The following NTNG2 variants were observed in gnomAD, a reference collection of about 807,000 sequenced individuals.
The protein encoded by NTNG2 is netrin-G2.
A neutral mutation model predicts 47.6 loss-of-function variants in NTNG2; 15 were observed. The ratio of observed to expected loss-of-function variants is 0.32; its 90% CI spans 0.21 to 0.49. The LOEUF is 0.49. Ranked by LOEUF, NTNG2 falls within the 20% of genes least tolerant of loss-of-function variation. The pLI, the probability that NTNG2 is intolerant of heterozygous loss-of-function variation, is 0.99. For missense variants in NTNG2, 578 were observed against 764.6 expected, an observed-to-expected ratio of 0.76 and a Z score of 2.88; for synonymous variants, 307 against 324.6, an observed-to-expected ratio of 0.95 and a Z score of 0.58.
rs547114242 is a variant in NTNG2, at chr9:132,211,752, G to A, written c.857+13143G>A. On this transcript the variant is annotated intron_variant, in intron 3 of 7. Coordinates refer to ENST00000393229, the MANE Select transcript of NTNG2 (RefSeq NM_032536.4). The stretch of plus-strand genomic sequence containing the variant: ...CCCTTCTCCAGCCTTGGCGGCTTGT[G>A]ACAATTCCACAGCCTTGCCATAGCT... Among the ~76,000 whole-genome samples the A allele has an allele frequency of 6.6e-5, 10 of 152,182 alleles. No homozygotes were observed. In the South Asian group the frequency reaches 1.9e-3, roughly 28 times the overall value.
At chr9:132,184,996 A>C (rs560409394) in intron 2 of NTNG2, among the ~76,000 whole-genome samples, 1 of 152,158 alleles carries the variant, frequency 6.6e-6, no homozygotes, top group Non-Finnish European at 1.5e-5. Context: ...GTTTGGACTT[A>C]AGAAGGGGAA....
At chr9:132,216,106 C>T (rs1839948042) in intron 3 of NTNG2, among the ~76,000 whole-genome samples, 1 of 152,058 alleles carries the variant, frequency 6.6e-6, no homozygotes, top group African/African-American at 2.4e-5. Flanking sequence ...GGTTTGAACC[C>T]GACTGTCTGG....
intron 3 of NTNG2, among the ~76,000 whole-genome samples, chr9:132,210,725 A>G (rs1354116157): frequency 6.6e-6 from 1 of 152,178 alleles, no homozygotes; most frequent in African/African-American, 2.4e-5. Flanking sequence ...TGGGGAGAGG[A>G]CAGGCCACAT....
At chr9:132,238,936 T>C (rs1841814199) in intron 5 of NTNG2, 168 bp from the exon 6 acceptor site, 1 of 706,100 alleles carries the variant, frequency 1.4e-6, no homozygotes, top group Non-Finnish European at 2.5e-6. Context: ...GCCTCTCTCT[T>C]CCTGAATCCG....
chr9:132,237,507 A>G (rs1382234209), intron 5 of NTNG2, among the ~76,000 whole-genome samples: 1 of 152,206 alleles, frequency 6.6e-6, no homozygotes, highest in Non-Finnish European at 1.5e-5. Flanking sequence ...AGTGATGCCT[A>G]TTGAAGAATT....
At chr9:132,225,117 A>G (rs1050043833) in intron 3 of NTNG2, among the ~76,000 whole-genome samples, 15 of 152,182 alleles carry the variant, frequency 9.9e-5, no homozygotes, top group African/African-American at 3.6e-4. Context: ...GGGTTTCACC[A>G]TGTCGGACAG....
intron 3 of NTNG2, among the ~76,000 whole-genome samples, chr9:132,206,855 C>G (rs144337794): frequency 6.6e-6 from 1 of 152,326 alleles, no homozygotes; most frequent in East Asian, 1.9e-4. Context: ...TGAGAAGTGC[C>G]GGTGTTGGGA....
Position 132,241,477 on chromosome 9 carries a change from A to G in NTNG2, c.1358-399A>G, listed in dbSNP as rs1015983887. The G allele has an allele frequency of 1.5e-5, 5 of 326,238 alleles. No individual in the cohort carries two copies. In the South Asian group the frequency reaches 1.5e-4, roughly 10 times the overall value. 20.2% of individuals were successfully genotyped at this position (326,238 alleles called of 1,614,324 possible). On this transcript the variant is annotated intron_variant, in intron 7 of 7. Transcript: ENST00000393229. The stretch of plus-strand genomic sequence containing the variant: ...GGTGGTGCCTGGTGGGAACTACGAG[A>G]AAGACCGAGCTGGGGTTGGTTGGAA...
At chr9:132,189,929 G>A (rs1159379795) in intron 2 of NTNG2, among the ~76,000 whole-genome samples, 1 of 149,330 alleles carries the variant, frequency 6.7e-6, no homozygotes, top group African/African-American at 2.4e-5. Context: ...GATTACAGGC[G>A]TGAGCAACTG....
chr9:132,178,228 G>T (rs1836632180), intron 2 of NTNG2, among the ~76,000 whole-genome samples: 1 of 151,808 alleles, frequency 6.6e-6, no homozygotes, highest in Admixed American at 6.6e-5. Context: ...CCTCTTTCAG[G>T]CTGGGATGTG....
Position 132,182,287 on chromosome 9 carries a change from G to A in NTNG2, c.213+15243G>A, listed in dbSNP as rs1169999803. ...TGCACCCAACAATGGACAATAATGG[G>A]CCTAAAAATAGAGGGTGGAGGGTGC... On this transcript the variant is annotated intron_variant, in intron 2 of 7. Transcript: ENST00000393229. This position sits in a 1 kb window ranked among gnomAD's most constrained non-coding sequence, Gnocchi z 4.2. Among the ~76,000 whole-genome samples the A allele has an allele frequency of 6.6e-6, 1 of 152,204 alleles. No individual in the cohort carries two copies. The highest frequency in any genetic ancestry group is 2.4e-5 in the African/African-American group (1 of 41,446).
Position 132,197,816 on chromosome 9 carries a change from C to A in NTNG2, c.214-150C>A. On this transcript the variant is annotated intron_variant, in intron 2 of 7. Coordinates refer to ENST00000393229, the MANE Select transcript of NTNG2 (RefSeq NM_032536.4). The surrounding 1 kb of genome is among the most constrained non-coding windows in gnomAD (Gnocchi z 4.3). ...ACGCATTGAGGAAATGGGCACAAATCTCCCAGCTGTGTCTGGGCACCGGAG... is the reference window on the plus strand; with the variant it reads ...ACGCATTGAGGAAATGGGCACAAATATCCCAGCTGTGTCTGGGCACCGGAG... The A allele has an allele frequency of 1.4e-6, 1 of 710,788 alleles. No individual in the cohort carries two copies. Among genetic ancestry groups the A allele is most frequent in the Non-Finnish European group, 2.3e-6 (1 of 436,918 alleles). The allele number at this position is 710,788 out of a possible 1,614,324, so 44.0% of individuals were successfully genotyped here.
At chr9:132,217,696 C>T (rs980403080) in intron 3 of NTNG2, among the ~76,000 whole-genome samples, 6 of 152,216 alleles carry the variant, frequency 3.9e-5, no homozygotes, top group South Asian at 2.1e-4. Context: ...CTTTATAGAC[C>T]GTCTCCCACT....
chr9:132,198,499 C>A lies in NTNG2; in HGVS notation c.747C>A (p.Leu249=). The change falls in exon 3 of 8, where the codon CTC becomes CTA. Residue 249 remains leucine, a synonymous_variant. Coordinates refer to ENST00000393229, the MANE Select transcript of NTNG2 (RefSeq NM_032536.4). ...AGGGCCTCAAGGAGTTCTTCACCCTCACCGACCTGCGCATGCGGCTGCTGC... is the reference window on the plus strand; with the variant it reads ...AGGGCCTCAAGGAGTTCTTCACCCTAACCGACCTGCGCATGCGGCTGCTGC... ...SAKGLKEFFT[L]TDLRMRLLRP... 6.2e-7 allele frequency: 1 copy of A among 1,610,174 alleles called. No individual in the cohort carries two copies. Among genetic ancestry groups the A allele is most frequent in the Non-Finnish European group, 8.5e-7 (1 of 1,177,794 alleles).
intron 2 of NTNG2, among the ~76,000 whole-genome samples, chr9:132,191,740 T>G (rs1262407989): frequency 6.6e-6 from 1 of 151,986 alleles, no homozygotes; most frequent in African/African-American, 2.4e-5. Context: ...CCCGGCTAAT[T>G]TTTTGTATTT....
At position 132,174,460 on chromosome 9, in the gene NTNG2, G is replaced by A. The variant is rs963485102; in HGVS notation, c.213+7416G>A. Among the ~76,000 whole-genome samples the A allele has an allele frequency of 6.6e-5, 10 of 152,298 alleles. 1 individual carries two copies. Among genetic ancestry groups the A allele is most frequent in the African/African-American group, 1.4e-4 (6 of 41,560 alleles). On this transcript the variant is annotated intron_variant, in intron 2 of 7. Transcript: ENST00000393229. Reference sequence around the variant, plus strand: ...AGGAGATGGGGCCCGGGGGCATCCCGCACTTCTGGGATGTGGGACTTGGGA... The same window carrying A: ...AGGAGATGGGGCCCGGGGGCATCCCACACTTCTGGGATGTGGGACTTGGGA...
chr9:132,190,575 C>T (rs1458596052), intron 2 of NTNG2, among the ~76,000 whole-genome samples: 3 of 152,226 alleles, frequency 2.0e-5, no homozygotes, highest in South Asian at 2.1e-4. Flanking sequence ...GGGCTTCCCA[C>T]AGGCACATTT....
At chr9:132,196,160 G>GT (rs532662089) in intron 2 of NTNG2, among the ~76,000 whole-genome samples, 1 of 152,096 alleles carries the variant, frequency 6.6e-6, no homozygotes, top group Admixed American at 6.6e-5. Flanking sequence ...AGGTCTATGG[G>GT]TTTTTTTGTT....
chr9:132,241,397 G>A, intron 7 of NTNG2: 1 of 379,046 alleles, frequency 2.6e-6, no homozygotes, highest in South Asian at 3.3e-5. Context: ...GTCCGGGGCC[G>A]GGCCGAGGGG....
Sources: allele counts gnomAD v4.1 joint callset (sites outside exome capture counted in the v4.1 genomes callset), GRCh38; gene constraint gnomAD v4.1.1; non-coding constraint Gnocchi (gnomAD v3.1); transcripts MANE v1.5; gene names NCBI Gene and HGNC (gene_info 2026-07-23, HGNC 2026-07-21).